The following PIGP variants were observed in gnomAD, a reference collection of about 807,000 sequenced individuals.
PIGP encodes phosphatidylinositol glycan anchor biosynthesis class P.
A neutral mutation model predicts 16.9 loss-of-function variants in PIGP; 12 were observed. The observed-to-expected ratio is 0.71, with a 90% CI of 0.46 to 1.15. The LOEUF (loss-of-function observed/expected upper bound fraction) is 1.15, where lower values mean the gene tolerates loss of function less well. Among genes scored for constraint, PIGP ranks in the 50% most tolerant of loss-of-function variants. The probability of loss-of-function intolerance (pLI) is 0.00; values close to 1 mark genes in which losing one functional copy is unlikely to be tolerated. For synonymous variants in PIGP, 57 were observed against 54.7 expected (o/e 1.04, Z -0.18); for missense variants, 159 against 153.5 (o/e 1.04, Z -0.19).
At position 37,065,479 on chromosome 21, in the gene PIGP, C is replaced by T; in HGVS notation, c.*103G>A. 2 of 1,143,928 alleles carry T rather than the reference C, an allele frequency of 1.7e-6. No homozygotes were observed. Among genetic ancestry groups the T allele is most frequent in the Non-Finnish European group, 2.5e-6 (2 of 812,798 alleles). 70.9% of individuals were successfully genotyped at this position (1,143,928 alleles called of 1,614,324 possible). A position where few individuals can be genotyped will look rare whatever the true frequency, so the allele number is the denominator to read the frequency against. On this transcript the variant is annotated 3_prime_UTR_variant, in exon 5 of 5. Transcript: ENST00000360525. ...GAAGGTCAACTTACATTTTTTACTT[C>T]TCTATTAATAAGAGAGATGGTCAAA...
rs550927616 is a variant in PIGP, at chr21:37,072,212, T to A, written c.82+222A>T. On this transcript the variant is annotated intron_variant, in intron 2 of 4. Transcript: ENST00000360525. ...GGACCAGGCTTTATCCACTTTGCCA[T>A]CGCGTCTGGTGCTGTATAAATATTT... 9 of 1,607,134 alleles carry A rather than the reference T, an allele frequency of 5.6e-6. No individual in the cohort carries two copies. In the African/African-American group the frequency reaches 8.0e-5, roughly 14 times the overall value.
Position 37,072,124 on chromosome 21 carries a change from G to A in PIGP, c.82+310C>T, listed in dbSNP as rs767017311. 5.3e-6 allele frequency: 5 copies of A among 940,654 alleles called. 1 individual carries two copies. In the East Asian group the frequency reaches 1.2e-4, roughly 22 times the overall value. The allele number at this position is 940,654 out of a possible 1,614,324, so 58.3% of individuals were successfully genotyped here. ...CGTGCTCCCTGACACTCATCACACT[G>A]AGCATTAACTGTAGATTTACCCATC... On this transcript the variant is annotated intron_variant, in intron 2 of 4. Coordinates refer to ENST00000360525, the MANE Select transcript of PIGP (RefSeq NM_153682.3).
In PIGP at chr21:37,069,576, A is replaced by G. The variant is rs1484394842; in HGVS notation, c.131T>C (p.Leu44Ser). The change falls in exon 3 of 5, where the codon TTA becomes TCA. Residue 44 changes from leucine (L) to serine (S), a missense_variant. By Grantham distance (145) the Leu-to-Ser change is moderately radical. Coordinates refer to ENST00000360525, the MANE Select transcript of PIGP (RefSeq NM_153682.3). The part of the protein sequence containing the change: ...AFIPESWLNS[L>S]GLTYWPQKYW... ...CTTTTGAGGCCAATAGGTTAAACCT[A>G]AAGAGTTTAGCCAAGATTCAGGAAT... The G allele has an allele frequency of 1.1e-5, 17 of 1,566,716 alleles. No individual in the cohort carries two copies. Among genetic ancestry groups the G allele is most frequent in the Non-Finnish European group, 1.4e-5 (16 of 1,152,402 alleles).
At chr21:37,068,868 C>T (rs978412514) in intron 3 of PIGP, among the ~76,000 whole-genome samples, 2 of 152,168 alleles carry the variant, frequency 1.3e-5, no homozygotes, top group Non-Finnish European at 2.9e-5. Context: ...TCTCATTAAG[C>T]CATGTAGATT....
intron 2 of PIGP, among the ~76,000 whole-genome samples, chr21:37,070,320 T>C (rs1170120440): frequency 6.6e-6 from 1 of 152,246 alleles, no homozygotes; most frequent in Non-Finnish European, 1.5e-5. Context: ...ACATCAGTGA[T>C]GATGCATTCT....
intron 3 of PIGP, among the ~76,000 whole-genome samples, chr21:37,067,810 A>G (rs1189920844): frequency 1.4e-4 from 21 of 152,030 alleles, no homozygotes; most frequent in Non-Finnish European, 4.4e-5. Context: ...TACATAAACA[A>G]TTTTGCAACT....
intron 3 of PIGP, among the ~76,000 whole-genome samples, chr21:37,068,067 G>A (rs373589581): frequency 2.0e-5 from 3 of 151,000 alleles, no homozygotes; most frequent in South Asian, 2.1e-4. Flanking sequence ...GGAGTGCAAC[G>A]GCATGATCAC....
chr21:37,072,237 T>C, intron 2 of PIGP, 197 bp downstream of exon 2: 2 of 1,612,080 alleles, frequency 1.2e-6, no homozygotes, highest in South Asian at 2.2e-5. Flanking sequence ...TATAAATATT[T>C]GTAGAGACTA....
rs56940945 is a variant in PIGP, at chr21:37,066,971, CGTGTGTGTGTGTGT to C, written c.274+277_274+290del. On this transcript the variant is annotated intron_variant, in intron 4 of 4. Coordinates refer to ENST00000360525, the MANE Select transcript of PIGP (RefSeq NM_153682.3). The stretch of plus-strand genomic sequence containing the variant: ...CTCTTAGTAGCTTCTTTTTACTGTC[CGTGTGTGTGTGTGT>C]GTGTGTGTGTGTGTGTGTGTGTGTG... Among the ~76,000 whole-genome samples, 835 of 143,832 alleles carry C rather than the reference CGTGTGTGTGTGTGT, an allele frequency of 5.8e-3. 4 individuals carry two copies. The highest frequency in any genetic ancestry group is 9.7e-3 in the Admixed American group (139 of 14,282). 94.4% of individuals were successfully genotyped at this position (143,832 alleles called of 152,430 possible).
At chr21:37,071,782 G>A (rs1462592353) in intron 2 of PIGP, among the ~76,000 whole-genome samples, 1 of 152,144 alleles carries the variant, frequency 6.6e-6, no homozygotes, top group Admixed American at 6.5e-5. Flanking sequence ...GTGTGAGTGG[G>A]CATATTAGTG....
chr21:37,066,124 TA>T (rs993908062), intron 4 of PIGP, among the ~76,000 whole-genome samples: 3 of 151,468 alleles, frequency 2.0e-5, no homozygotes, highest in South Asian at 4.2e-4. Context: ...TAAATAAAAA[TA>T]AAAAAATAAA....
intron 2 of PIGP, chr21:37,072,117 T>C: frequency 2.2e-6 from 2 of 923,512 alleles, no homozygotes; most frequent in Non-Finnish European, 3.6e-6. Context: ...CTGACACTCA[T>C]CACACTGAGC....
chr21:37,070,919 T>A (rs1276957260), intron 2 of PIGP, among the ~76,000 whole-genome samples: 1 of 152,152 alleles, frequency 6.6e-6, no homozygotes, highest in African/African-American at 2.4e-5. Flanking sequence ...TGCGCCACCA[T>A]CCCGGCTAAT....
At chr21:37,069,011 G>A (rs2069953966) in intron 3 of PIGP, among the ~76,000 whole-genome samples, 1 of 152,200 alleles carries the variant, frequency 6.6e-6, no homozygotes. Context: ...GGCAGGGCAG[G>A]CCTCCCAGCT....
intron 3 of PIGP, among the ~76,000 whole-genome samples, 170 bp from the exon 4 acceptor site, chr21:37,067,550 A>C (rs1429424329): frequency 6.6e-6 from 1 of 152,228 alleles, no homozygotes; most frequent in East Asian, 1.9e-4. Context: ...GCAGTCCTCT[A>C]TCCCACCATC....
chr21:37,067,776 G>T (rs1028478479), intron 3 of PIGP, among the ~76,000 whole-genome samples: 3 of 152,074 alleles, frequency 2.0e-5, no homozygotes, highest in African/African-American at 7.2e-5. Context: ...CATTATAGCA[G>T]CAGGTTTTAG....
At chr21:37,067,219 C>T (rs763842493) in intron 4 of PIGP, 43 bp downstream of exon 4, 4 of 1,114,726 alleles carry the variant, frequency 3.6e-6, no homozygotes, top group Non-Finnish European at 5.5e-6. Context: ...GCTAATACTC[C>T]ACTCTTTCAT....
intron 2 of PIGP, among the ~76,000 whole-genome samples, chr21:37,070,640 G>A (rs539533626): frequency 1.3e-5 from 2 of 152,042 alleles, no homozygotes; most frequent in African/African-American, 2.4e-5. Context: ...ATCTCCCCCC[G>A]GCATGAGAAT....
intron 1 of PIGP, 187 bp downstream of exon 1, chr21:37,072,813 G>A (rs904316392): frequency 5.6e-6 from 3 of 532,190 alleles, no homozygotes; most frequent in Non-Finnish European, 9.9e-6. Context: ...CCTGTGGGAG[G>A]GGAGGGCAGG....
Sources: allele counts gnomAD v4.1 joint callset (sites outside exome capture counted in the v4.1 genomes callset), GRCh38; gene constraint gnomAD v4.1.1; transcripts MANE v1.5; gene names NCBI Gene and HGNC (gene_info 2026-07-23, HGNC 2026-07-21).